The following RCOR3 variants were observed in gnomAD, a reference collection of about 807,000 sequenced individuals.
RCOR3 encodes the protein REST corepressor 3.
A neutral mutation model predicts 64.1 loss-of-function variants in RCOR3; 13 were observed. The ratio of observed to expected loss-of-function variants is 0.20; its 90% CI spans 0.13 to 0.32. The LOEUF (loss-of-function observed/expected upper bound fraction) is 0.32. Among genes scored for constraint, RCOR3 ranks in the 10% least tolerant of loss-of-function variants. The pLI is 1.00. For missense variants in RCOR3, 489 were observed against 701.2 expected (o/e 0.70, Z 3.42); for synonymous variants, 215 against 239.0 (o/e 0.90, Z 0.93).
At chr1:211,260,321 G>C (rs1348668370) in intron 2 of RCOR3, among the ~76,000 whole-genome samples, 157 bp downstream of exon 2, 1 of 152,196 alleles carries the variant, frequency 6.6e-6, no homozygotes, top group African/African-American at 2.4e-5. Flanking sequence ...GCCGGGCTGT[G>C]ACACTGGGCG....
At chr1:211,278,054 C>T (rs1571861852) in intron 5 of RCOR3, 63 bp from the exon 6 acceptor site, 3 of 697,536 alleles carry the variant, frequency 4.3e-6, no homozygotes, top group Non-Finnish European at 6.0e-6. Context: ...GTAAAGATAT[C>T]ATCAAAATTA....
rs142302352 is a variant in RCOR3, at chr1:211,281,403, C to T, written c.720+2087C>T. ...GACTGCCTTCTTCTTAGGTTCTCGTCTCCTCTGAATTATCCTAACAGTTTT... is the reference window on the plus strand; with the variant it reads ...GACTGCCTTCTTCTTAGGTTCTCGTTTCCTCTGAATTATCCTAACAGTTTT... On this transcript the variant is annotated intron_variant, in intron 7 of 11. Transcript: ENST00000419091. Among the ~76,000 whole-genome samples, 193 of 152,222 alleles carry T rather than the reference C, an allele frequency of 1.3e-3. 1 individual carries two copies. Among genetic ancestry groups the T allele is most frequent in the African/African-American group, 4.4e-3 (184 of 41,568 alleles).
intron 9 of RCOR3, among the ~76,000 whole-genome samples, chr1:211,300,071 CTTTTTTT>C (rs11419492): frequency 3.2e-4 from 39 of 121,300 alleles, no homozygotes; most frequent in African/African-American, 1.2e-3. Flanking sequence ...TTCTTTCTTT[CTTTTTTT>C]TTTTTTTTTT....
At position 211,312,478 on chromosome 1, in the gene RCOR3, G is replaced by C; in HGVS notation, c.1076-242G>C. On this transcript the variant is annotated intron_variant, in intron 10 of 11. Coordinates refer to ENST00000419091, the MANE Select transcript of RCOR3 (RefSeq NM_001136223.3). The surrounding 1 kb of genome is among the most constrained non-coding windows in gnomAD (Gnocchi z 5.0). ...AGGATTGGAGAAAATAACTGAGTAT[G>C]TAAAAAATGGTAAGTTTCTGATTGT... 2 of 618,902 alleles carry C rather than the reference G, an allele frequency of 3.2e-6. No individual in the cohort carries two copies. Among genetic ancestry groups the C allele is most frequent in the Non-Finnish European group, 6.1e-6 (2 of 329,888 alleles). 38.3% of individuals were successfully genotyped at this position (618,902 alleles called of 1,614,324 possible).
intron 9 of RCOR3, chr1:211,303,546 T>C (rs1700588096): frequency 6.6e-6 from 1 of 152,598 alleles, no homozygotes; most frequent in Non-Finnish European, 1.5e-5. Context: ...TCTGATTAGA[T>C]ATTTGCTGTT....
intron 3 of RCOR3, 101 bp from the exon 4 acceptor site, chr1:211,274,109 G>T: frequency 4.3e-6 from 3 of 704,826 alleles, no homozygotes; most frequent in Admixed American, 3.3e-5. Context: ...TTTTTACCCT[G>T]GAATATAAAT....
chr1:211,307,560 T>A (rs1700981297), intron 10 of RCOR3, among the ~76,000 whole-genome samples: 1 of 152,110 alleles, frequency 6.6e-6, no homozygotes, highest in Non-Finnish European at 1.5e-5. Flanking sequence ...AGGTGTATCT[T>A]TTTTCCTTGT....
intron 6 of RCOR3, among the ~76,000 whole-genome samples, chr1:211,278,451 T>C (rs1370374681): frequency 6.6e-6 from 1 of 152,218 alleles, no homozygotes; most frequent in Non-Finnish European, 1.5e-5. Flanking sequence ...AAATGCTTCC[T>C]TTTAGTATTG....
intron 9 of RCOR3, among the ~76,000 whole-genome samples, chr1:211,298,401 GT>G (rs1428660986): frequency 1.3e-5 from 2 of 152,268 alleles, no homozygotes; most frequent in East Asian, 3.9e-4. Flanking sequence ...AATAGCAATG[GT>G]TTAGTGTTGA....
chr1:211,259,771 C>T (rs779176290), intron 1 of RCOR3, 45 bp downstream of exon 1: 190 of 1,381,276 alleles, frequency 1.4e-4, no homozygotes, highest in Non-Finnish European at 1.5e-5. Flanking sequence ...TGCCCCCCTC[C>T]CTCTTCCCCT....
chr1:211,295,630 A>T, intron 8 of RCOR3, 46 bp from the exon 9 acceptor site: 1 of 1,506,528 alleles, frequency 6.6e-7, no homozygotes. Context: ...TCACAAATTT[A>T]CCTAAGTACG....
rs187356740 is a variant in RCOR3, at chr1:211,268,620, G to A, written c.224-2612G>A. The stretch of plus-strand genomic sequence containing the variant: ...TCGAACTCCCGACCTCAGGTGATCC[G>A]TCCACCTCGGCCTCTCAAAGTGCTG... On this transcript the variant is annotated intron_variant, in intron 2 of 11. Transcript: ENST00000419091. Among the ~76,000 whole-genome samples the A allele has an allele frequency of 2.8e-4, 42 of 151,966 alleles. No homozygotes were observed. The East Asian group carries it at 6.0e-3, about 22-fold the overall frequency.
intron 9 of RCOR3, chr1:211,301,641 A>C (rs1347335101): frequency 6.6e-6 from 1 of 152,078 alleles, no homozygotes; most frequent in East Asian, 1.9e-4. Context: ...AGCTTTTCCT[A>C]TTCTAAAACC....
rs1385460723 is a variant in RCOR3 at position 211,314,286 on chromosome 1, C to A, written c.*518C>A. On this transcript the variant is annotated 3_prime_UTR_variant, in exon 12 of 12. Coordinates refer to ENST00000419091, the MANE Select transcript of RCOR3 (RefSeq NM_001136223.3). Reference sequence around the variant, plus strand: ...GATTTTGACATATGTTCATTTTATGCATATTTAAGAAATTATAGCTGCATA... The same window carrying A: ...GATTTTGACATATGTTCATTTTATGAATATTTAAGAAATTATAGCTGCATA... 1 of 151,968 alleles carries A rather than the reference C, an allele frequency of 6.6e-6. No homozygotes were observed. The highest frequency in any genetic ancestry group is 1.5e-5 in the Non-Finnish European group (1 of 68,040). 9.4% of individuals were successfully genotyped at this position (151,968 alleles called of 1,614,324 possible). A position where few individuals can be genotyped will look rare whatever the true frequency, so the allele number is the denominator to read the frequency against.
chr1:211,276,923 A>G (rs937780202), intron 5 of RCOR3, among the ~76,000 whole-genome samples: 3 of 151,942 alleles, frequency 2.0e-5, no homozygotes, highest in African/African-American at 7.3e-5. Flanking sequence ...CGTCTCTACT[A>G]AAAATACAAA....
chr1:211,305,252 T>TTA (rs1334379620), intron 10 of RCOR3, among the ~76,000 whole-genome samples: 7 of 152,132 alleles, frequency 4.6e-5, no homozygotes, highest in Admixed American at 4.6e-4. Flanking sequence ...GCACAGTCAT[T>TTA]TCATAAAGAA....
chr1:211,300,714 AAG>A (rs1355923000), intron 9 of RCOR3, among the ~76,000 whole-genome samples: 3 of 152,228 alleles, frequency 2.0e-5, no homozygotes, highest in East Asian at 1.9e-4. Flanking sequence ...AGTCAAATAA[AAG>A]AGAGAAAGAA....
chr1:211,300,730 T>C (rs1700290708), intron 9 of RCOR3, among the ~76,000 whole-genome samples: 1 of 152,208 alleles, frequency 6.6e-6, no homozygotes, highest in Non-Finnish European at 1.5e-5. Flanking sequence ...GAAAGAATAT[T>C]TAGCAATAGC....
At chr1:211,288,970 G>A (rs888716379) in intron 7 of RCOR3, among the ~76,000 whole-genome samples, 3 of 152,234 alleles carry the variant, frequency 2.0e-5, no homozygotes, top group East Asian at 1.9e-4. Flanking sequence ...AGTGGATTAA[G>A]CAAGGATATA....
Sources: gnomAD v4.1 joint callset for allele counts (sites outside exome capture counted in the v4.1 genomes callset) on GRCh38, gnomAD v4.1.1 for gene constraint, Gnocchi (gnomAD v3.1) non-coding constraint, MANE v1.5 for transcripts, NCBI Gene and HGNC (gene_info 2026-07-23, HGNC 2026-07-21) for gene names.